The following VPS53 variants were observed in gnomAD, a reference collection of about 807,000 sequenced individuals.
The protein encoded by VPS53 is VPS53 subunit of GARP complex, also known as vacuolar protein sorting-associated protein 53 homolog.
Under a neutral mutation model 107.0 loss-of-function variants are expected in VPS53, and 70 were observed. That is an observed-to-expected ratio of 0.65 (90% CI 0.54 to 0.80). The LOEUF is 0.80. VPS53 is among the 30% of genes least tolerant of loss of function. VPS53 has a pLI of 0.00. For synonymous variants in VPS53, 409 were observed against 393.3 expected (o/e 1.04, Z -0.47); for missense variants, 917 against 1,049.4 (o/e 0.87, Z 1.74).
intron 12 of VPS53, among the ~76,000 whole-genome samples, chr17:594,618 G>A (rs1344659332): frequency 1.3e-5 from 2 of 149,972 alleles, no homozygotes; most frequent in African/African-American, 5.0e-5. Context: ...CCTGGAGGAA[G>A]CTGGGAGATG....
In VPS53 at chr17:586,229, C is replaced by T. The variant is rs761314062; in HGVS notation, c.1313+41G>A. 3.5e-5 allele frequency: 55 copies of T among 1,589,156 alleles called. No homozygotes were observed. In the South Asian group the frequency reaches 4.9e-4, roughly 14 times the overall value. ...TAAGACCCAGTCATGACCAGAGCGG[C>T]GAGAAATGCAGGCAGAAAACAGCGA... On this transcript the variant is annotated intron_variant, in intron 13 of 21. Transcript: ENST00000437048.
chr17:540,658 T>C (rs74364569), intron 17 of VPS53: 3,637 of 152,378 alleles, frequency 0.024, 53 homozygotes, highest in East Asian at 0.069. Context: ...AAATTGTTTC[T>C]TGTTGTGCTT....
chr17:644,305 T>TG (rs1403388739), intron 7 of VPS53, among the ~76,000 whole-genome samples: 2 of 152,178 alleles, frequency 1.3e-5, no homozygotes, highest in Non-Finnish European at 2.9e-5. Flanking sequence ...CTTCTACACT[T>TG]TACAGACAGC....
At chr17:710,727 C>G in intron 1 of VPS53, 114 bp from the exon 2 acceptor site, 1 of 730,426 alleles carries the variant, frequency 1.4e-6, no homozygotes. Context: ...TGCCTGTAAT[C>G]ACAGCACTTT....
intron 13 of VPS53, among the ~76,000 whole-genome samples, chr17:572,160 A>C (rs1914169594): frequency 8.1e-6 from 1 of 123,130 alleles, no homozygotes. Flanking sequence ...CCGGCCGCCC[A>C]TCGTCTGAGA....
At chr17:614,449 C>T (rs1969042918) in intron 11 of VPS53, among the ~76,000 whole-genome samples, 1 of 152,174 alleles carries the variant, frequency 6.6e-6, no homozygotes, top group African/African-American at 2.4e-5. Context: ...TATCCTGACC[C>T]TGTATTATTC....
At chr17:645,875 C>T (rs1970672590) in intron 7 of VPS53, among the ~76,000 whole-genome samples, 2 of 129,152 alleles carry the variant, frequency 1.5e-5, no homozygotes, top group South Asian at 2.6e-4. Flanking sequence ...TCTCCGTGAC[C>T]GCGTGGTCTC....
chr17:666,884 A>G (rs1169610035), intron 4 of VPS53, among the ~76,000 whole-genome samples: 1 of 152,060 alleles, frequency 6.6e-6, no homozygotes, highest in Non-Finnish European at 1.5e-5. Context: ...GTGCCATTGC[A>G]CTCCAGCCTA....
At chr17:545,806 G>A (rs1911136729) in intron 17 of VPS53, among the ~76,000 whole-genome samples, 1 of 152,226 alleles carries the variant, frequency 6.6e-6, no homozygotes, top group African/African-American at 2.4e-5. Context: ...AAAGCAGAAA[G>A]GTAGTCTAGG....
intron 15 of VPS53, among the ~76,000 whole-genome samples, chr17:553,992 CCTGTGCCCTTTAGCA>C (rs1366117988): frequency 6.6e-6 from 1 of 152,182 alleles, no homozygotes; most frequent in South Asian, 2.1e-4. Flanking sequence ...TCCTCCAGAG[CCTGTGCCCTTTAGCA>C]CTGTGCAGTA....
At chr17:551,376 G>C (rs1331831245) in intron 17 of VPS53, among the ~76,000 whole-genome samples, 1 of 152,030 alleles carries the variant, frequency 6.6e-6, no homozygotes, top group African/African-American at 2.4e-5. Flanking sequence ...GGACCAGCCT[G>C]GGCAACATAG....
At chr17:561,991 C>T (rs1280700017) in intron 14 of VPS53, among the ~76,000 whole-genome samples, 1 of 152,158 alleles carries the variant, frequency 6.6e-6, no homozygotes, top group Non-Finnish European at 1.5e-5. Context: ...AGCTGACCCC[C>T]AATCCTACCG....
intron 10 of VPS53, among the ~76,000 whole-genome samples, chr17:624,328 C>T (rs1023844510): frequency 6.6e-6 from 1 of 152,104 alleles, no homozygotes; most frequent in African/African-American, 2.4e-5. Context: ...ATCATCTCTT[C>T]AACTAGAGAG....
intron 4 of VPS53, among the ~76,000 whole-genome samples, chr17:686,605 G>C (rs914818995): frequency 6.6e-6 from 1 of 152,162 alleles, no homozygotes; most frequent in African/African-American, 2.4e-5. Flanking sequence ...AGAACAGCAC[G>C]CTGAAGGCAG....
intron 11 of VPS53, 143 bp downstream of exon 11, chr17:623,390 A>G (rs1409583597): frequency 2.0e-6 from 2 of 978,888 alleles, no homozygotes; most frequent in East Asian, 2.5e-5. Flanking sequence ...CTGTATCATC[A>G]CTTTCCCAGC....
intron 2 of VPS53, among the ~76,000 whole-genome samples, chr17:706,781 A>G (rs1204013596): frequency 1.3e-5 from 2 of 152,058 alleles, no homozygotes; most frequent in South Asian, 2.1e-4. Flanking sequence ...GCCCTCAGGT[A>G]CCAAACTGCA....
chr17:517,392 G>A lies in VPS53; in HGVS notation c.*1736C>T, dbSNP rs1329860942. On this transcript the variant is annotated 3_prime_UTR_variant, in exon 22 of 22. Transcript: ENST00000437048. ...GGAGAAAGCCTGGCAGAGAGGGCAGGGGCACAGAGCAGTGGTTATGTTGGG... is the reference window on the plus strand; with the variant it reads ...GGAGAAAGCCTGGCAGAGAGGGCAGAGGCACAGAGCAGTGGTTATGTTGGG... 5 of 399,856 alleles carry A rather than the reference G, an allele frequency of 1.3e-5. No homozygotes were observed. Among genetic ancestry groups the A allele is most frequent in the East Asian group, 3.5e-5 (1 of 28,272 alleles). 24.8% of individuals were successfully genotyped at this position (399,856 alleles called of 1,614,324 possible). A position where few individuals can be genotyped will look rare whatever the true frequency, so the allele number is the denominator to read the frequency against.
Position 638,347 on chromosome 17 carries a change from G to A in VPS53, c.609-6719C>T, listed in dbSNP as rs372971286. On this transcript the variant is annotated intron_variant, in intron 7 of 21. Transcript: ENST00000437048. ...ATGGGTCTCCTGAATACAGCACACC[G>A]ATGGGTCTTGACTCTTGAGCCAATT... Among the ~76,000 whole-genome samples the A allele has an allele frequency of 2.0e-4, 31 of 152,222 alleles. No individual in the cohort carries two copies. The East Asian group carries it at 4.6e-3, about 23-fold the overall frequency.
chr17:519,057 G>GTGT lies in VPS53; in HGVS notation c.*70_*71insACA. 2.8e-6 allele frequency: 4 copies of GTGT among 1,431,296 alleles called. No homozygotes were observed. The Admixed American group carries it at 8.8e-5, about 31-fold the overall frequency. 88.7% of individuals were successfully genotyped at this position (1,431,296 alleles called of 1,614,324 possible). A position where few individuals can be genotyped will look rare whatever the true frequency, so the allele number is the denominator to read the frequency against. On this transcript the variant is annotated 3_prime_UTR_variant, in exon 22 of 22. Transcript: ENST00000437048. This position sits in a 1 kb window ranked among gnomAD's most constrained non-coding sequence, Gnocchi z 5.0. ...GATGTGAGAGTGCCGGGGAGCACAG[G>GTGT]AGAGGTTGGGGGCTTCTGGGGAACG...
Sources: gnomAD v4.1 joint callset for allele counts (sites outside exome capture counted in the v4.1 genomes callset) on GRCh38, gnomAD v4.1.1 for gene constraint, Gnocchi (gnomAD v3.1) non-coding constraint, MANE v1.5 for transcripts, NCBI Gene and HGNC (gene_info 2026-07-23, HGNC 2026-07-21) for gene names.